HDAC2: variants seen among roughly 807,000 people sequenced by gnomAD.
The protein encoded by HDAC2 is YY1-associated factor 1.
HDAC2 carries 5 observed loss-of-function variants against 68.5 expected under a neutral mutation model. That is an observed-to-expected ratio of 0.07 (90% CI 0.04 to 0.15). HDAC2 has a LOEUF of 0.15. HDAC2 is among the 10% of genes least tolerant of loss of function. HDAC2 has a pLI of 1.00. For synonymous variants in HDAC2, 182 were observed against 191.3 expected (o/e 0.95, Z 0.40); for missense variants, 291 against 600.8 (o/e 0.48, Z 5.39).
rs941250744 is a variant in HDAC2 at position 113,935,742 on chromosome 6, C to G, written c.*5316G>C. 3 of 152,092 alleles carry G rather than the reference C, an allele frequency of 2.0e-5. No individual in the cohort carries two copies. The highest frequency in any genetic ancestry group is 7.2e-5 in the African/African-American group (3 of 41,412). 9.4% of individuals were successfully genotyped at this position (152,092 alleles called of 1,614,324 possible). On this transcript the variant is annotated 3_prime_UTR_variant, in exon 14 of 14. Transcript: ENST00000519065. ...CAATCTTAATAAAAAGAGCAAATAA[C>G]AGAATCTAATCAAGGTGTCTTCTGT...
intron 6 of HDAC2, among the ~76,000 whole-genome samples, chr6:113,950,432 G>A (rs1318056999): frequency 1.3e-5 from 2 of 151,632 alleles, no homozygotes; most frequent in Admixed American, 6.6e-5. Flanking sequence ...CCAGGATGGA[G>A]TGCAGTGGCA....
At chr6:113,957,224 G>A (rs986913912) in intron 3 of HDAC2, 1 of 153,514 alleles carries the variant, frequency 6.5e-6, no homozygotes, top group African/African-American at 2.4e-5. Flanking sequence ...AGGTTCATGG[G>A]AGCCAAAACA....
At chr6:113,960,398 A>C (rs1328779085) in intron 1 of HDAC2, among the ~76,000 whole-genome samples, 8 of 152,000 alleles carry the variant, frequency 5.3e-5, no homozygotes, top group Admixed American at 6.6e-5. Context: ...AAATTTTTTC[A>C]GCAAATACTG....
At chr6:113,942,317 T>C (rs1408005107) in intron 12 of HDAC2, among the ~76,000 whole-genome samples, 3 of 151,902 alleles carry the variant, frequency 2.0e-5, no homozygotes, top group African/African-American at 4.8e-5. Flanking sequence ...ATCATTGTAA[T>C]ACATTGGGAA....
At position 113,936,329 on chromosome 6, in the gene HDAC2, T is replaced by A. The variant is rs60816799; in HGVS notation, c.*4729A>T. 9 of 152,302 alleles carry A rather than the reference T, an allele frequency of 5.9e-5. No homozygotes were observed. The East Asian group carries it at 1.5e-3, about 26-fold the overall frequency. 9.4% of individuals were successfully genotyped at this position (152,302 alleles called of 1,614,324 possible). A position where few individuals can be genotyped will look rare whatever the true frequency, so the allele number is the denominator to read the frequency against. On this transcript the variant is annotated 3_prime_UTR_variant, in exon 14 of 14. Coordinates refer to ENST00000519065, the MANE Select transcript of HDAC2 (RefSeq NM_001527.4). ...TGGTACAGTGAGGAAATGCAGCAAT[T>A]GAGAAGCTTCTAAATGCTGTAATCC...
At position 113,970,968 on chromosome 6, in the gene HDAC2, T is replaced by TGCCGCC; in HGVS notation, c.-66_-61dup. ...CTCCTGCTGCTGCTGCTGCTGCTGC[T>TGCCGCC]GCCGCCGCGGCTCGGCCGGGAGAGA... On this transcript the variant is annotated 5_prime_UTR_variant, in exon 1 of 14. Coordinates refer to ENST00000519065, the MANE Select transcript of HDAC2 (RefSeq NM_001527.4). 2 of 1,563,330 alleles carry TGCCGCC rather than the reference T, an allele frequency of 1.3e-6. No individual in the cohort carries two copies. The highest frequency in any genetic ancestry group is 1.7e-6 in the Non-Finnish European group (2 of 1,153,692).
chr6:113,935,184 G>A lies in HDAC2; in HGVS notation c.*5874C>T, dbSNP rs967164404. 3.3e-5 allele frequency: 5 copies of A among 152,086 alleles called. No individual in the cohort carries two copies. Among genetic ancestry groups the A allele is most frequent in the African/African-American group, 7.2e-5 (3 of 41,408 alleles). 9.4% of individuals were successfully genotyped at this position (152,086 alleles called of 1,614,324 possible). A position where few individuals can be genotyped will look rare whatever the true frequency, so the allele number is the denominator to read the frequency against. ...AAGGCAACACAAGTTCAAACTTTCC[G>A]GCTAGACTTCAGAATAAGAAAATTT... On this transcript the variant is annotated 3_prime_UTR_variant, in exon 14 of 14. Transcript: ENST00000519065.
chr6:113,967,245 C>T (rs1419407683), intron 1 of HDAC2, among the ~76,000 whole-genome samples: 2 of 152,166 alleles, frequency 1.3e-5, no homozygotes, highest in African/African-American at 4.8e-5. Context: ...TCTCCTGCCT[C>T]AGCCTCCCGA....
At chr6:113,949,936 C>T (rs1158218982) in intron 6 of HDAC2, among the ~76,000 whole-genome samples, 1 of 152,128 alleles carries the variant, frequency 6.6e-6, no homozygotes, top group African/African-American at 2.4e-5. Flanking sequence ...CATGTGCCAC[C>T]ATGCCAGGCT....
intron 1 of HDAC2, chr6:113,970,645 GC>G (rs1289315041): frequency 7.4e-7 from 1 of 1,348,736 alleles, no homozygotes; most frequent in Non-Finnish European, 9.5e-7. Context: ...AGACGGGCGG[GC>G]CCCCTGATTC....
intron 5 of HDAC2, chr6:113,955,807 G>A: frequency 2.1e-6 from 1 of 468,870 alleles, no homozygotes; most frequent in East Asian, 3.6e-5. Flanking sequence ...CATAGTGCCT[G>A]GCCACACTTC....
Position 113,941,714 on chromosome 6 carries a change from G to T in HDAC2, c.1430C>A (p.Thr477Asn), listed in dbSNP as rs1341257540. 1.1e-5 allele frequency: 15 copies of T among 1,373,250 alleles called. No homozygotes were observed. The highest frequency in any genetic ancestry group is 1.5e-5 in the Non-Finnish European group (15 of 994,434). 85.1% of individuals were successfully genotyped at this position (1,373,250 alleles called of 1,614,324 possible). The change falls in exon 13 of 14, where the codon ACC becomes AAC. Residue 477 changes from threonine (T) to asparagine (N), a missense_variant. Around this residue, in one of 2 missense-constraint regions of HDAC2, gnomAD observed 137 missense variants for 128.7 expected, o/e 1.06. Transcript: ENST00000519065. The stretch of plus-strand genomic sequence containing the variant: ...GATAAGGAACATCATTTACCCTTTG[G>T]TATCTGTTTTTTCACCACTGTTGTC... ...SKDNSGEKTD[T>N]KGTKSEQLSN...
intron 6 of HDAC2, 64 bp downstream of exon 6, chr6:113,953,213 G>T: frequency 3.4e-6 from 4 of 1,169,336 alleles, no homozygotes; most frequent in Non-Finnish European, 2.5e-6. Context: ...ACTACTTCAA[G>T]TATAGGATTA....
In HDAC2 at chr6:113,938,368, CTT is replaced by C. The variant is rs1443912793; in HGVS notation, c.*2688_*2689del. ...GTTACAAATCTGCCTCCCACTCTGTCTTTTGTCATTTTTCTTGACTTGTCTTC... is the reference window on the plus strand; with the variant it reads ...GTTACAAATCTGCCTCCCACTCTGTCTTGTCATTTTTCTTGACTTGTCTTC... On this transcript the variant is annotated 3_prime_UTR_variant, in exon 14 of 14. Transcript: ENST00000519065. 3 of 152,116 alleles carry C rather than the reference CTT, an allele frequency of 2.0e-5. No homozygotes were observed. The highest frequency in any genetic ancestry group is 6.5e-5 in the Admixed American group (1 of 15,270). 9.4% of individuals were successfully genotyped at this position (152,116 alleles called of 1,614,324 possible).
chr6:113,948,553 C>T (rs1033622567), intron 8 of HDAC2: 1 of 156,622 alleles, frequency 6.4e-6, no homozygotes, highest in Admixed American at 6.4e-5. Flanking sequence ...GCCGTAAACA[C>T]TAAGTATCAC....
chr6:113,964,374 G>A (rs1776762354), intron 1 of HDAC2, among the ~76,000 whole-genome samples: 1 of 152,154 alleles, frequency 6.6e-6, no homozygotes, highest in East Asian at 1.9e-4. Flanking sequence ...ATTTCAAGGA[G>A]GTTATTCCTC....
intron 3 of HDAC2, 72 bp from the exon 4 acceptor site, chr6:113,956,765 T>C: frequency 1.8e-6 from 2 of 1,095,458 alleles, no homozygotes; most frequent in Admixed American, 3.7e-5. Context: ...ACAAAAACTA[T>C]TTCCCACAAA....
rs11391 is a variant in HDAC2, at chr6:113,940,851, A to C, written c.*207T>G. The C allele has an allele frequency of 0.1, 48,626 of 465,432 alleles. 2,867 individuals carry two copies. The highest frequency in any genetic ancestry group is 0.12 in the Non-Finnish European group (31,171 of 263,454). The allele number at this position is 465,432 out of a possible 1,614,324, so 28.8% of individuals were successfully genotyped here. A position where few individuals can be genotyped will look rare whatever the true frequency, so the allele number is the denominator to read the frequency against. ...AATTTTAAATACTATCACATAAAGC[A>C]TGGTGGAGAAAAGAAATTTTGCTTC... On this transcript the variant is annotated 3_prime_UTR_variant, in exon 14 of 14. Coordinates refer to ENST00000519065, the MANE Select transcript of HDAC2 (RefSeq NM_001527.4).
At chr6:113,967,884 T>C (rs190365666) in intron 1 of HDAC2, among the ~76,000 whole-genome samples, 1 of 152,298 alleles carries the variant, frequency 6.6e-6, no homozygotes, top group Non-Finnish European at 1.5e-5. Flanking sequence ...TTTTGGGAAT[T>C]TGGAGGCATG....
Sources: gnomAD v4.1 joint callset for allele counts (sites outside exome capture counted in the v4.1 genomes callset) on GRCh38, gnomAD v4.1.1 for gene constraint, gnomAD v4.1.1 regional missense constraint, MANE v1.5 for transcripts, NCBI Gene and HGNC (gene_info 2026-07-23, HGNC 2026-07-21) for gene names.